The following LRRTM4 variants were observed in gnomAD, a reference collection of about 807,000 sequenced individuals.
LRRTM4 encodes leucine rich repeat transmembrane neuronal 4.
A neutral mutation model predicts 47.6 loss-of-function variants in LRRTM4; 25 were observed. The ratio of observed to expected loss-of-function variants is 0.53; its 90% CI spans 0.38 to 0.73. LRRTM4 has a LOEUF of 0.73. Among genes scored for constraint, LRRTM4 ranks in the 30% least tolerant of loss-of-function variants. The pLI, the probability that LRRTM4 is intolerant of heterozygous loss-of-function variation, is 0.00. For synonymous variants in LRRTM4, 311 were observed against 269.5 expected, an observed-to-expected ratio of 1.15 and a Z score of -1.51; for missense variants, 638 against 713.4, an observed-to-expected ratio of 0.89 and a Z score of 1.20.
chr2:77,414,959 A>G (rs1329517488), intron 3 of LRRTM4, among the ~76,000 whole-genome samples: 3 of 152,196 alleles, frequency 2.0e-5, no homozygotes, highest in African/African-American at 7.2e-5. Flanking sequence ...AATACAAAGA[A>G]GGGAGAGAAG....
At chr2:76,833,327 G>A (rs2103902702) in intron 3 of LRRTM4, among the ~76,000 whole-genome samples, 2 of 152,098 alleles carry the variant, frequency 1.3e-5, no homozygotes, top group Non-Finnish European at 2.9e-5. Context: ...TATGCCATTT[G>A]TCCTCCAACT....
chr2:77,450,221 T>G (rs1676204167), intron 3 of LRRTM4, among the ~76,000 whole-genome samples: 1 of 151,924 alleles, frequency 6.6e-6, no homozygotes, highest in South Asian at 2.1e-4. Context: ...TTCAACAGCT[T>G]AGGAGTTATA....
At chr2:77,230,521 A>C (rs1254972458) in intron 3 of LRRTM4, among the ~76,000 whole-genome samples, 1 of 152,314 alleles carries the variant, frequency 6.6e-6, no homozygotes, top group South Asian at 2.1e-4. Flanking sequence ...ATTTGAATAT[A>C]AAATAAGATT....
At chr2:76,790,662 G>C (rs1674923603) in intron 3 of LRRTM4, among the ~76,000 whole-genome samples, 1 of 152,080 alleles carries the variant, frequency 6.6e-6, no homozygotes, top group Non-Finnish European at 1.5e-5. Flanking sequence ...ATCTGAATTT[G>C]GGGAACAGTA....
intron 3 of LRRTM4, among the ~76,000 whole-genome samples, chr2:77,271,399 T>G (rs562243928): frequency 6.6e-6 from 1 of 152,308 alleles, no homozygotes; most frequent in South Asian, 2.1e-4. Flanking sequence ...TCTCACTTGC[T>G]TGCTTGCGCC....
chr2:77,014,497 C>T (rs1677985924), intron 3 of LRRTM4, among the ~76,000 whole-genome samples: 1 of 116,238 alleles, frequency 8.6e-6, no homozygotes, highest in African/African-American at 3.4e-5. Flanking sequence ...AGCATTTGTG[C>T]CCTTTCATAT....
intron 3 of LRRTM4, among the ~76,000 whole-genome samples, chr2:76,842,903 A>G (rs1573198433): frequency 6.6e-6 from 1 of 152,138 alleles, no homozygotes; most frequent in South Asian, 2.1e-4. Context: ...ATCCACCTAT[A>G]TTAGGAGAGA....
At chr2:77,066,506 A>C (rs1370085928) in intron 3 of LRRTM4, among the ~76,000 whole-genome samples, 1 of 152,208 alleles carries the variant, frequency 6.6e-6, no homozygotes, top group Non-Finnish European at 1.5e-5. Flanking sequence ...AAGACACACA[A>C]AAACCCGTAT....
intron 3 of LRRTM4, among the ~76,000 whole-genome samples, chr2:77,516,163 T>G (rs1460548975): frequency 6.6e-6 from 1 of 151,888 alleles, no homozygotes; most frequent in African/African-American, 2.4e-5. Flanking sequence ...ATTACAATAT[T>G]TAATTACATT....
intron 3 of LRRTM4, among the ~76,000 whole-genome samples, chr2:77,098,537 T>C (rs991256865): frequency 3.9e-5 from 6 of 152,004 alleles, no homozygotes; most frequent in African/African-American, 7.2e-5. Context: ...AATTCAACTT[T>C]AAAATTGGTA....
chr2:76,910,372 A>G (rs560233397), intron 3 of LRRTM4, among the ~76,000 whole-genome samples: 50 of 151,094 alleles, frequency 3.3e-4, no homozygotes, highest in Admixed American at 4.6e-4. Context: ...TGGAGGGATA[A>G]CATTGGGAGA....
chr2:76,977,831 G>T (rs1314610800), intron 3 of LRRTM4, among the ~76,000 whole-genome samples: 1 of 151,952 alleles, frequency 6.6e-6, no homozygotes, highest in African/African-American at 2.4e-5. Context: ...AAAGCTATTA[G>T]AAGAAAACAA....
At chr2:77,086,865 A>G (rs1354188675) in intron 3 of LRRTM4, among the ~76,000 whole-genome samples, 1 of 152,096 alleles carries the variant, frequency 6.6e-6, no homozygotes, top group South Asian at 2.1e-4. Flanking sequence ...TAACAACACA[A>G]TTCAACGTCA....
At chr2:77,249,671 T>G (rs1675549628) in intron 3 of LRRTM4, among the ~76,000 whole-genome samples, 1 of 152,188 alleles carries the variant, frequency 6.6e-6, no homozygotes, top group African/African-American at 2.4e-5. Flanking sequence ...TAATACCAAA[T>G]GCTGGCAGGA....
intron 3 of LRRTM4, among the ~76,000 whole-genome samples, chr2:76,970,782 C>T (rs777434944): frequency 8.5e-5 from 13 of 152,062 alleles, no homozygotes; most frequent in South Asian, 2.1e-4. Context: ...GAAGGTGTTT[C>T]GTGACCAGTA....
chr2:77,461,498 C>G (rs1489374542), intron 3 of LRRTM4, among the ~76,000 whole-genome samples: 1 of 152,030 alleles, frequency 6.6e-6, no homozygotes, highest in Non-Finnish European at 1.5e-5. Flanking sequence ...TTAAAATACC[C>G]ATTCCCTACC....
At chr2:77,139,254 C>T (rs945425809) in intron 3 of LRRTM4, among the ~76,000 whole-genome samples, 6 of 152,056 alleles carry the variant, frequency 3.9e-5, no homozygotes, top group African/African-American at 9.7e-5. Context: ...GATCCAGCAG[C>T]GCATCAAAAA....
At chr2:76,970,575 CCAT>C (rs1242010748) in intron 3 of LRRTM4, among the ~76,000 whole-genome samples, 2 of 152,018 alleles carry the variant, frequency 1.3e-5, no homozygotes, top group African/African-American at 4.8e-5. Flanking sequence ...GTTGCTTTTA[CCAT>C]AATAACCCCT....
intron 3 of LRRTM4, among the ~76,000 whole-genome samples, chr2:77,240,769 G>A (rs1033624140): frequency 2.0e-5 from 3 of 151,780 alleles, no homozygotes; most frequent in African/African-American, 4.8e-5. Flanking sequence ...TACTAGCAAC[G>A]AAAAATTTGA....
Sources: allele counts gnomAD v4.1 joint callset (sites outside exome capture counted in the v4.1 genomes callset), GRCh38; gene constraint gnomAD v4.1.1; transcripts MANE v1.5; gene names NCBI Gene and HGNC (gene_info 2026-07-23, HGNC 2026-07-21).